PALM: variants seen among roughly 807,000 people sequenced by gnomAD.
PALM encodes the protein paralemmin-1.
A neutral mutation model predicts 30.7 loss-of-function variants in PALM; 18 were observed. That is an observed-to-expected ratio of 0.59 (90% CI 0.41 to 0.87). The LOEUF (loss-of-function observed/expected upper bound fraction) is 0.87, where lower values mean the gene tolerates loss of function less well. Among genes scored for constraint, PALM ranks in the 40% least tolerant of loss-of-function variants. PALM has a pLI of 0.00. For synonymous variants in PALM, 286 were observed against 242.8 expected, an observed-to-expected ratio of 1.18 and a Z score of -1.66; for missense variants, 529 against 555.4, an observed-to-expected ratio of 0.95 and a Z score of 0.48.
intron 1 of PALM, among the ~76,000 whole-genome samples, chr19:715,129 G>A (rs1044648041): frequency 1.1e-4 from 16 of 152,176 alleles, no homozygotes; most frequent in East Asian, 5.8e-4. Flanking sequence ...CCGGGCGGGC[G>A]TGGTGGCGGG....
intron 4 of PALM, among the ~76,000 whole-genome samples, chr19:728,961 A>C (rs934987086): frequency 1.3e-5 from 2 of 151,266 alleles, no homozygotes; most frequent in African/African-American, 4.9e-5. Context: ...CCAAGATCTC[A>C]CCGCTGCACT....
In PALM at chr19:746,365, G is replaced by T; in HGVS notation, c.715G>T (p.Ala239Ser). The T allele has an allele frequency of 6.2e-7, 1 of 1,613,564 alleles. No individual in the cohort carries two copies. The highest frequency in any genetic ancestry group is 8.5e-7 in the Non-Finnish European group (1 of 1,179,896). ...CGAGGTGGACGAACTCATCCACAAAGCGGACGAGGTCACGCTGAGCGAGGC... is the reference window on the plus strand; with the variant it reads ...CGAGGTGGACGAACTCATCCACAAATCGGACGAGGTCACGCTGAGCGAGGC... ...SSEVDELIHK[A>S]DEVTLSEAGS... The change falls in exon 9 of 9, where the codon GCG becomes TCG. Residue 239 changes from alanine (A) to serine (S), a missense_variant. Transcript: ENST00000338448. The surrounding 1 kb of genome is among the most constrained non-coding windows in gnomAD (Gnocchi z 7.1).
chr19:740,252 C>G (rs1233030984), intron 7 of PALM, 100 bp from the exon 8 acceptor site: 1 of 1,250,996 alleles, frequency 8.0e-7, no homozygotes, highest in East Asian at 2.6e-5. Flanking sequence ...CGCTGCTTGG[C>G]TCTGCGCTGC....
At chr19:732,554 A>G (rs1460552737) in intron 5 of PALM, among the ~76,000 whole-genome samples, 2 of 152,086 alleles carry the variant, frequency 1.3e-5, no homozygotes, top group Non-Finnish European at 2.9e-5. Context: ...AATTAACCAG[A>G]TGTCGTGGCC....
intron 2 of PALM, among the ~76,000 whole-genome samples, chr19:726,603 A>G (rs1430299134): frequency 2.6e-5 from 4 of 152,108 alleles, no homozygotes; most frequent in Admixed American, 6.5e-5. Flanking sequence ...CCTGGGTTCA[A>G]GTGACTCTCC....
intron 1 of PALM, chr19:711,133 T>C: frequency 1.1e-6 from 1 of 925,180 alleles, no homozygotes; most frequent in Non-Finnish European, 1.3e-6. Flanking sequence ...AACAGGTTAT[T>C]TTTTGTTAAT....
Position 709,215 on chromosome 19 carries a change from A to T in PALM, c.5+64A>T. ...GAGCTCCGGGAGCCGGGGAGGGGGG[A>T]GGCCCCCTCTCTCGCGCCCCATTGG... On this transcript the variant is annotated intron_variant, in intron 1 of 8. Coordinates refer to ENST00000338448, the MANE Select transcript of PALM (RefSeq NM_002579.3). The surrounding 1 kb of genome is among the most constrained non-coding windows in gnomAD (Gnocchi z 4.3). The T allele has an allele frequency of 3.4e-6, 1 of 290,720 alleles. No homozygotes were observed. Among genetic ancestry groups the T allele is most frequent in the Non-Finnish European group, 6.3e-6 (1 of 157,560 alleles). 18.0% of individuals were successfully genotyped at this position (290,720 alleles called of 1,614,324 possible).
chr19:719,046 A>G, intron 1 of PALM: 1 of 846,422 alleles, frequency 1.2e-6, no homozygotes, highest in African/African-American at 1.9e-5. Flanking sequence ...ACCCCCCACA[A>G]TGGCCAAGGT....
chr19:735,829 A>G (rs1398917111), intron 6 of PALM, among the ~76,000 whole-genome samples, 190 bp from the exon 7 acceptor site: 6 of 130,382 alleles, frequency 4.6e-5, no homozygotes, highest in East Asian at 2.3e-4. Flanking sequence ...TGTGTGTCTG[A>G]GGGCCCAGGT....
intron 8 of PALM, among the ~76,000 whole-genome samples, chr19:745,655 A>C (rs1178724566): frequency 6.8e-6 from 1 of 147,766 alleles, no homozygotes; most frequent in Non-Finnish European, 1.5e-5. Flanking sequence ...AGACAGTACC[A>C]CTGCACTCCA....
chr19:727,002 C>CCCCCCCCCCCCA lies in PALM; in HGVS notation c.58-5_58-4insCCCCCCCCCCAC. On this transcript the variant is annotated splice_polypyrimidine_tract_variant and splice_region_variant and intron_variant, in intron 2 of 8. Coordinates refer to ENST00000338448, the MANE Select transcript of PALM (RefSeq NM_002579.3). ...CATCCCTGACCCCACCCGGCCCTCC[C>CCCCCCCCCCCCA]CACAGGAGAAGCGGAAGCGGCAGGC... 1 of 1,519,336 alleles carries CCCCCCCCCCCCA rather than the reference C, an allele frequency of 6.6e-7. No homozygotes were observed. Among genetic ancestry groups the CCCCCCCCCCCCA allele is most frequent in the Non-Finnish European group, 8.9e-7 (1 of 1,120,592 alleles). 94.1% of individuals were successfully genotyped at this position (1,519,336 alleles called of 1,614,324 possible).
In PALM at chr19:747,071, C is replaced by A. The variant is rs544025548; in HGVS notation, c.*257C>A. 7 of 452,092 alleles carry A rather than the reference C, an allele frequency of 1.5e-5. No individual in the cohort carries two copies. Among genetic ancestry groups the A allele is most frequent in the Non-Finnish European group, 2.4e-5 (6 of 253,382 alleles). The allele number at this position is 452,092 out of a possible 1,614,324, so 28.0% of individuals were successfully genotyped here. On this transcript the variant is annotated 3_prime_UTR_variant, in exon 9 of 9. Transcript: ENST00000338448. ...AGAGACAGGACAGACCCGCTTTTCC[C>A]GAGACAAGGACCCCCCATGTCACGG...
At position 742,703 on chromosome 19, in the gene PALM, G is replaced by GT. The variant is rs1459954844; in HGVS notation, c.634+2221dup. Among the ~76,000 whole-genome samples, 1 of 152,072 alleles carries GT rather than the reference G, an allele frequency of 6.6e-6. No homozygotes were observed. Among genetic ancestry groups the GT allele is most frequent in the African/African-American group, 2.4e-5 (1 of 41,400 alleles). On this transcript the variant is annotated intron_variant, in intron 8 of 8. Coordinates refer to ENST00000338448, the MANE Select transcript of PALM (RefSeq NM_002579.3). The surrounding 1 kb of genome is among the most constrained non-coding windows in gnomAD (Gnocchi z 5.5). ...TCTCACTGGGCGTGACGTCCCCAAG[G>GT]TGCATCGGCACTGTGGCCTGGGTCG...
At chr19:720,389 A>AG (rs1392324065) in intron 1 of PALM, among the ~76,000 whole-genome samples, 7 of 82,756 alleles carry the variant, frequency 8.5e-5, no homozygotes, top group Admixed American at 2.4e-4. Flanking sequence ...GGGAGGGGCG[A>AG]GGGGGGCGCC....
In PALM at chr19:727,568, A is replaced by AG. The variant is rs1418930920; in HGVS notation, c.145dup (p.Ala49GlyfsTer20). 1 of 1,587,532 alleles carries AG rather than the reference A, an allele frequency of 6.3e-7. No homozygotes were observed. Among genetic ancestry groups the AG allele is most frequent in the African/African-American group, 1.3e-5 (1 of 74,536 alleles). On this transcript the variant is annotated frameshift_variant, in exon 4 of 9. Transcript: ENST00000338448. LOFTEE classifies it high-confidence loss of function. Reference sequence around the variant, plus strand: ...ACCTGGATCCCTGCTGCTCAGTCCAAGGCACTGCGGGAGCGCTGGCTGCTG... The same window carrying AG: ...ACCTGGATCCCTGCTGCTCAGTCCAAGGGCACTGCGGGAGCGCTGGCTGCTG...
At chr19:733,323 A>G (rs1263625464) in intron 5 of PALM, among the ~76,000 whole-genome samples, 1 of 152,214 alleles carries the variant, frequency 6.6e-6, no homozygotes. Flanking sequence ...AGACTCAGCA[A>G]TACACATGCA....
At position 733,671 on chromosome 19, in the gene PALM, G is replaced by A. The variant is rs115433154; in HGVS notation, c.421-502G>A. 3.3e-5 allele frequency among the ~76,000 whole-genome samples: 5 copies of A among 152,330 alleles called. No individual in the cohort carries two copies. In the East Asian group the frequency reaches 7.7e-4, roughly 24 times the overall value. ...GGTGGCCTGCGGGAGCCGCTGATGCGGGGGTATGTGGGGAGGGAGGGAAGA... is the reference window on the plus strand; with the variant it reads ...GGTGGCCTGCGGGAGCCGCTGATGCAGGGGTATGTGGGGAGGGAGGGAAGA... On this transcript the variant is annotated intron_variant, in intron 5 of 8. Transcript: ENST00000338448.
In PALM at chr19:742,525, A is replaced by G. The variant is rs2033222390; in HGVS notation, c.634+2042A>G. ...GAGGCTGAAGCAGGAGAATCACTTG[A>G]ACCCAGGAGGCGGAGGTTGCAGTGA... On this transcript the variant is annotated intron_variant, in intron 8 of 8. Coordinates refer to ENST00000338448, the MANE Select transcript of PALM (RefSeq NM_002579.3). The surrounding 1 kb of genome is among the most constrained non-coding windows in gnomAD (Gnocchi z 5.5). Among the ~76,000 whole-genome samples the G allele has an allele frequency of 6.6e-6, 1 of 151,878 alleles. No individual in the cohort carries two copies. The highest frequency in any genetic ancestry group is 2.4e-5 in the African/African-American group (1 of 41,338).
In PALM at chr19:726,102, A is replaced by C. The variant is rs562900692; in HGVS notation, c.6-36A>C. The C allele has an allele frequency of 2.6e-6, 4 of 1,540,088 alleles. No homozygotes were observed. The African/African-American group carries it at 5.4e-5, about 21-fold the overall frequency. On this transcript the variant is annotated intron_variant, in intron 1 of 8. Transcript: ENST00000338448. ...CCGCGTCTGACGGACAGCAGGGCTC[A>C]GTGAACCAGAGCTTGACCTTATCTC...
Sources: gnomAD v4.1 joint callset for allele counts (sites outside exome capture counted in the v4.1 genomes callset) on GRCh38, gnomAD v4.1.1 for gene constraint, Gnocchi (gnomAD v3.1) non-coding constraint, MANE v1.5 for transcripts, NCBI Gene and HGNC (gene_info 2026-07-23, HGNC 2026-07-21) for gene names.